Variants in GRID1 observed in about 807,000 individuals in gnomAD.
The protein encoded by GRID1 is glutamate receptor ionotropic, delta-1.
In GRID1, 28 loss-of-function variants were observed where a neutral mutation model predicts 98.0. The observed-to-expected ratio is 0.29, with a 90% CI of 0.21 to 0.39. The LOEUF (loss-of-function observed/expected upper bound fraction) is 0.39, where lower values mean the gene tolerates loss of function less well. GRID1 is among the 10% of genes least tolerant of loss of function. The pLI, the probability that GRID1 is intolerant of heterozygous loss-of-function variation, is 1.00. For synonymous variants in GRID1, 553 were observed against 538.5 expected, an observed-to-expected ratio of 1.03 and a Z score of -0.37; for missense variants, 1,111 against 1,340.5, an observed-to-expected ratio of 0.83 and a Z score of 2.67.
chr10:85,827,458 T>C (rs1842830174), intron 8 of GRID1, among the ~76,000 whole-genome samples: 2 of 151,798 alleles, frequency 1.3e-5, no homozygotes, highest in Admixed American at 6.6e-5. Context: ...TTAAAAAGAA[T>C]GAACAAAACC....
chr10:85,665,588 T>C (rs536519025), intron 12 of GRID1, among the ~76,000 whole-genome samples: 1 of 152,160 alleles, frequency 6.6e-6, no homozygotes, highest in Admixed American at 6.5e-5. Context: ...GAACATACCA[T>C]CTCTATTACT....
intron 8 of GRID1, among the ~76,000 whole-genome samples, chr10:85,739,906 T>C (rs1841923611): frequency 6.6e-6 from 1 of 152,180 alleles, no homozygotes; most frequent in South Asian, 2.1e-4. Flanking sequence ...AAGTAGCTGT[T>C]TCTGGCATTG....
chr10:86,248,182 T>C (rs1227012024), intron 2 of GRID1, among the ~76,000 whole-genome samples: 1 of 152,186 alleles, frequency 6.6e-6, no homozygotes, highest in Non-Finnish European at 1.5e-5. Context: ...CACAGTGGCT[T>C]CAGATGGCAA....
At chr10:85,976,860 C>G (rs1419001550) in intron 4 of GRID1, among the ~76,000 whole-genome samples, 3 of 152,212 alleles carry the variant, frequency 2.0e-5, no homozygotes, top group Admixed American at 6.5e-5. Context: ...TTTCTAAGGC[C>G]TCAGGAAAAT....
intron 12 of GRID1, among the ~76,000 whole-genome samples, chr10:85,675,933 A>G (rs1841140022): frequency 6.6e-6 from 1 of 152,110 alleles, no homozygotes; most frequent in South Asian, 2.1e-4. Flanking sequence ...GTAATTGGAA[A>G]CTGAAGATTC....
At chr10:86,014,804 C>A (rs1410058405) in intron 4 of GRID1, among the ~76,000 whole-genome samples, 2 of 152,226 alleles carry the variant, frequency 1.3e-5, no homozygotes, top group East Asian at 3.8e-4. Context: ...CCTTCTGGTT[C>A]ATGTGACTCT....
chr10:85,607,590 G>C (rs898176478), intron 15 of GRID1, among the ~76,000 whole-genome samples: 1 of 152,134 alleles, frequency 6.6e-6, no homozygotes, highest in African/African-American at 2.4e-5. Flanking sequence ...TCAGGAGAAA[G>C]AGTTCTGATC....
At chr10:85,999,404 A>G (rs1842779328) in intron 4 of GRID1, among the ~76,000 whole-genome samples, 1 of 152,128 alleles carries the variant, frequency 6.6e-6, no homozygotes. Context: ...AAGTAACAGC[A>G]CCAATTCTGC....
intron 12 of GRID1, among the ~76,000 whole-genome samples, chr10:85,714,186 T>C (rs370313190): frequency 6.6e-6 from 1 of 151,944 alleles, no homozygotes; most frequent in Non-Finnish European, 1.5e-5. Flanking sequence ...TTTTTACTTA[T>C]AAATGGAAGT....
intron 4 of GRID1, among the ~76,000 whole-genome samples, chr10:85,968,591 G>C (rs755978863): frequency 2.0e-5 from 3 of 151,830 alleles, no homozygotes; most frequent in Non-Finnish European, 4.4e-5. Flanking sequence ...CTAAAGCAAA[G>C]TTTTTGCATA....
At chr10:86,205,750 A>G (rs1246190524) in intron 3 of GRID1, among the ~76,000 whole-genome samples, 2 of 152,238 alleles carry the variant, frequency 1.3e-5, no homozygotes, top group Non-Finnish European at 2.9e-5. Context: ...GAAAACCTGA[A>G]GCCATTTCTC....
chr10:85,761,003 C>G (rs1287738083), intron 8 of GRID1, among the ~76,000 whole-genome samples: 1 of 152,208 alleles, frequency 6.6e-6, no homozygotes, highest in Admixed American at 6.5e-5. Flanking sequence ...AACAGCACCT[C>G]TAACCTGAAG....
rs190930150 is a variant in GRID1 at position 86,230,928 on chromosome 10, G to A, written c.236-24280C>T. Reference sequence around the variant, plus strand: ...ATACACACACATCTCTGTGCCCGGCGGTGTGGGCAGTGACAGGCCCAAGTG... The same window carrying A: ...ATACACACACATCTCTGTGCCCGGCAGTGTGGGCAGTGACAGGCCCAAGTG... On this transcript the variant is annotated intron_variant, in intron 2 of 15. Coordinates refer to ENST00000327946, the MANE Select transcript of GRID1 (RefSeq NM_017551.3). Among the ~76,000 whole-genome samples the A allele has an allele frequency of 7.0e-3, 1,064 of 152,276 alleles. 9 individuals carry two copies. The highest frequency in any genetic ancestry group is 0.017 in the African/African-American group (701 of 41,544).
chr10:85,834,274 T>C (rs1028015438), intron 8 of GRID1, among the ~76,000 whole-genome samples: 1 of 152,278 alleles, frequency 6.6e-6, no homozygotes, highest in South Asian at 2.1e-4. Flanking sequence ...CTACAGTGAA[T>C]TGAGAATATG....
At chr10:85,654,475 T>C (rs959364370) in intron 12 of GRID1, among the ~76,000 whole-genome samples, 1 of 152,224 alleles carries the variant, frequency 6.6e-6, no homozygotes, top group Non-Finnish European at 1.5e-5. Context: ...ATCTGAACGA[T>C]TTTAAATATC....
chr10:86,059,362 G>C (rs1161993319), intron 4 of GRID1, among the ~76,000 whole-genome samples: 1 of 152,248 alleles, frequency 6.6e-6, no homozygotes, highest in Non-Finnish European at 1.5e-5. Flanking sequence ...GAAAAGAACT[G>C]TCTTCAGTTC....
intron 13 of GRID1, among the ~76,000 whole-genome samples, chr10:85,637,788 T>A (rs1165646125): frequency 1.3e-5 from 2 of 152,234 alleles, no homozygotes; most frequent in African/African-American, 4.8e-5. Flanking sequence ...CTAACATGAC[T>A]ATCTTGGATA....
chr10:85,937,110 A>T (rs1326526100), intron 4 of GRID1, among the ~76,000 whole-genome samples: 2 of 152,210 alleles, frequency 1.3e-5, no homozygotes, highest in African/African-American at 4.8e-5. Flanking sequence ...TCAACCCTGC[A>T]CATCTGATTC....
rs528020752 is a variant in GRID1, at chr10:86,328,568, G to T, written c.235+35373C>A. Among the ~76,000 whole-genome samples the T allele has an allele frequency of 2.0e-5, 3 of 152,170 alleles. 1 individual carries two copies. Among genetic ancestry groups the T allele is most frequent in the Admixed American group, 1.3e-4 (2 of 15,292 alleles). On this transcript the variant is annotated intron_variant, in intron 2 of 15. Transcript: ENST00000327946. ...CCGAAGCACTTTCATGGGCTTTTCC[G>T]CATGTCCTCATTTTTCCGTGATCCT...
Sources: gnomAD v4.1 joint callset for allele counts (sites outside exome capture counted in the v4.1 genomes callset) on GRCh38, gnomAD v4.1.1 for gene constraint, MANE v1.5 for transcripts, NCBI Gene and HGNC (gene_info 2026-07-23, HGNC 2026-07-21) for gene names.